Variants in TMEM141 observed in about 807,000 individuals in gnomAD.
TMEM141 encodes the protein transmembrane protein 141.
TMEM141 carries 18 observed loss-of-function variants against 15.9 expected under a neutral mutation model. The ratio of observed to expected loss-of-function variants is 1.13; its 90% CI spans 0.78 to 1.68. The LOEUF is 1.68. Among genes scored for constraint, TMEM141 ranks in the 40% most tolerant of loss-of-function variants. The pLI is 0.00. For synonymous variants in TMEM141, 69 were observed against 54.0 expected (o/e 1.28, Z -1.22); for missense variants, 161 against 139.5 (o/e 1.15, Z -0.78).
In TMEM141 at chr9:136,792,275, G is replaced by C; in HGVS notation, c.230G>C (p.Gly77Ala). The stretch of plus-strand genomic sequence containing the variant: ...GTTGCAGGCTCTGTGGTCAGCTACG[G>C]GGTGACGAGAGTGGAGTCGGAGAAA... ...AVVAGSVVSYGVTRVESEKCN... is the reference protein window; with the variant it reads ...AVVAGSVVSYAVTRVESEKCN... The change falls in exon 4 of 5, where the codon GGG (glycine) becomes GCG (alanine). Residue 77 changes from glycine (G) to alanine (A), a missense_variant. Physicochemically the swap from Gly to Ala is moderately conservative, Grantham distance 60. Transcript: ENST00000290079. 1 of 1,587,550 alleles carries C rather than the reference G, an allele frequency of 6.3e-7. No homozygotes were observed. Among genetic ancestry groups the C allele is most frequent in the Non-Finnish European group, 8.6e-7 (1 of 1,166,418 alleles).
intron 4 of TMEM141, 111 bp from the exon 5 acceptor site, chr9:136,792,708 A>T: frequency 1.2e-6 from 1 of 839,214 alleles, no homozygotes; most frequent in Non-Finnish European, 1.9e-6. Context: ...CCTGGCCTCC[A>T]CTGCCCGTTG....
rs1336255589 is a variant in TMEM141 at position 136,791,378 on chromosome 9, A to G, written c.8A>G (p.Asn3Ser). 9 of 1,561,688 alleles carry G rather than the reference A, an allele frequency of 5.8e-6. No individual in the cohort carries two copies. The highest frequency in any genetic ancestry group is 7.8e-6 in the Non-Finnish European group (9 of 1,153,354). The change falls in exon 1 of 5, where the codon AAC (asparagine) becomes AGC (serine). Residue 3 changes from asparagine (N) to serine (S), a missense_variant. Physicochemically the swap from Asn to Ser is conservative, Grantham distance 46. Coordinates refer to ENST00000290079, the MANE Select transcript of TMEM141 (RefSeq NM_032928.4). Reference protein sequence around the residue: MVNLGLSRVDDAV... With the variant: MVSLGLSRVDDAV... ...CCCCGAGCCCTGCCAACCATGGTGA[A>G]CTTGGGTCTGTCCCGGGTGGACGAC...
In TMEM141 at chr9:136,792,309, C is replaced by T. The variant is rs149076749; in HGVS notation, c.264C>T (p.Asn88=). The T allele has an allele frequency of 4.5e-3, 7,201 of 1,590,104 alleles. 28 individuals are homozygous for T. Among genetic ancestry groups the T allele is most frequent in the Non-Finnish European group, 5.7e-3 (6,679 of 1,167,858 alleles). The stretch of plus-strand genomic sequence containing the variant: ...GAGTGGAGTCGGAGAAATGCAACAA[C>T]CTCTGGCTCTTCCTGGAGACCGGGC... ...VTRVESEKCN[N]LWLFLETGQL... is the part of the protein sequence containing the mutation. Residue 88 remains asparagine (N), a synonymous_variant, in exon 4 of 5, where the codon AAC becomes AAT. Transcript: ENST00000290079.
chr9:136,792,360 T>C lies in TMEM141; in HGVS notation c.313+2T>C. The C allele has an allele frequency of 6.4e-7, 1 of 1,565,560 alleles. No homozygotes were observed. Among genetic ancestry groups the C allele is most frequent in the Non-Finnish European group, 8.7e-7 (1 of 1,154,614 alleles). On this transcript the variant is annotated splice_donor_variant, in intron 4 of 4. Transcript: ENST00000290079. LOFTEE classifies it high-confidence loss of function. ...AGCTCCCCAAAGACAGGAGCACAGG[T>C]GAGAGAGCCTGGGGGTTAGCGAGAA...
intron 4 of TMEM141, 73 bp from the exon 5 acceptor site, chr9:136,792,746 A>G: frequency 1.6e-6 from 2 of 1,225,034 alleles, no homozygotes; most frequent in South Asian, 1.5e-5. Flanking sequence ...AGTTTCTGCC[A>G]TGATAAAATG....
chr9:136,792,869 G>C lies in TMEM141; in HGVS notation c.*37G>C. On this transcript the variant is annotated 3_prime_UTR_variant, in exon 5 of 5. Transcript: ENST00000290079. ...CAGGGGCACAGAGGATTGGGGGCAG[G>C]AGGAGTCTGGAACACAGCCTTCATG... 6.6e-7 allele frequency: 1 copy of C among 1,523,640 alleles called. No individual in the cohort carries two copies. Among genetic ancestry groups the C allele is most frequent in the Non-Finnish European group, 8.8e-7 (1 of 1,134,620 alleles). 94.4% of individuals were successfully genotyped at this position (1,523,640 alleles called of 1,614,324 possible). A position where few individuals can be genotyped will look rare whatever the true frequency, so the allele number is the denominator to read the frequency against.
Position 136,793,148 on chromosome 9 carries a change from G to A in TMEM141, c.*316G>A, listed in dbSNP as rs1441035775. On this transcript the variant is annotated 3_prime_UTR_variant, in exon 5 of 5. Transcript: ENST00000290079. ...CCACCTATGGGACACGGGGTCGAAG[G>A]GGCCTGTACACTCTGTCATTTCCTT... The A allele has an allele frequency of 9.1e-6, 2 of 219,696 alleles. No homozygotes were observed. The highest frequency in any genetic ancestry group is 5.8e-5 in the Admixed American group (1 of 17,134). The allele number at this position is 219,696 out of a possible 1,614,324, so 13.6% of individuals were successfully genotyped here.
Position 136,791,838 on chromosome 9 carries a change from C to A in TMEM141, c.121+61C>A, listed in dbSNP as rs117136322. On this transcript the variant is annotated intron_variant, in intron 2 of 4. Coordinates refer to ENST00000290079, the MANE Select transcript of TMEM141 (RefSeq NM_032928.4). ...AACGCACCCTCCCGCCCTGCCCTGA[C>A]TCCCCAGCAGGGGGCGCCAAGTCAC... is the stretch of plus-strand genomic sequence containing the variant. The A allele has an allele frequency of 1.1e-3, 1,689 of 1,607,458 alleles. 28 individuals are homozygous for A. The East Asian group carries it at 0.033, about 31-fold the overall frequency.
chr9:136,791,971 A>C lies in TMEM141; in HGVS notation c.146A>C (p.Gln49Pro), dbSNP rs1847595202. Residue 49 changes from glutamine (Q) to proline (P), a missense_variant, in exon 3 of 5, where the codon CAG becomes CCG. By Grantham distance (76) the Gln-to-Pro change is moderately conservative. Coordinates refer to ENST00000290079, the MANE Select transcript of TMEM141 (RefSeq NM_032928.4). The stretch of plus-strand genomic sequence containing the variant: ...GGCACCGGCATGGCCTTTGGCTTGC[A>C]GATGTTCATTCAGAGGAAGTTTCCA... ...VTGTGMAFGL[Q>P]MFIQRKFPYP... 3.1e-6 allele frequency: 5 copies of C among 1,614,114 alleles called. No homozygotes were observed. Among genetic ancestry groups the C allele is most frequent in the Non-Finnish European group, 4.2e-6 (5 of 1,180,012 alleles).
chr9:136,792,103 C>T (rs1013905157), intron 3 of TMEM141, 73 bp downstream of exon 3: 8 of 1,586,704 alleles, frequency 5.0e-6, no homozygotes, highest in Non-Finnish European at 6.9e-6. Flanking sequence ...TGTGGTTCTG[C>T]GTCCCTGACT....
At chr9:136,792,192 G>T (rs1298633255) in intron 3 of TMEM141, 59 bp from the exon 4 acceptor site, 5 of 1,523,414 alleles carry the variant, frequency 3.3e-6, no homozygotes, top group Non-Finnish European at 3.6e-6. Flanking sequence ...GCCTGTGCCC[G>T]GTTCTCTTAG....
Position 136,793,013 on chromosome 9 carries a change from C to A in TMEM141, c.*181C>A. 1.3e-6 allele frequency: 1 copy of A among 791,372 alleles called. No homozygotes were observed. Among genetic ancestry groups the A allele is most frequent in the Admixed American group, 4.4e-5 (1 of 22,786 alleles). The allele number at this position is 791,372 out of a possible 1,614,324, so 49.0% of individuals were successfully genotyped here. On this transcript the variant is annotated 3_prime_UTR_variant, in exon 5 of 5. Coordinates refer to ENST00000290079, the MANE Select transcript of TMEM141 (RefSeq NM_032928.4). ...GATGGCTGCTGCCCCAACCTGGGAC[C>A]TGCCCAGGAGGTTGGAGCAGAAAGG...
At position 136,792,832 on chromosome 9, in the gene TMEM141, G is replaced by A; in HGVS notation, c.327G>A (p.Ter109=). 6.4e-7 allele frequency: 1 copy of A among 1,566,526 alleles called. No homozygotes were observed. The highest frequency in any genetic ancestry group is 8.7e-7 in the Non-Finnish European group (1 of 1,155,378). The change falls in exon 5 of 5, where the codon TAG becomes TAA. Residue 109 remains the stop codon, a stop_retained_variant. Coordinates refer to ENST00000290079, the MANE Select transcript of TMEM141 (RefSeq NM_032928.4). The part of the protein sequence containing the change: ...PKDRSTDQRS[*] ...TGCCTTTTACAGATCAGAGAAGCTA[G>A]GAGAGCTCCAGCAGGGGCACAGAGG... is the stretch of plus-strand genomic sequence containing the variant.
At position 136,791,708 on chromosome 9, in the gene TMEM141, C is replaced by A; in HGVS notation, c.55-3C>A. ...GAGCCTTCACCCGCCTCTGCCACCC[C>A]AGGGACTCGGGGAGTATGCCGCATG... is the stretch of plus-strand genomic sequence containing the variant. On this transcript the variant is annotated splice_polypyrimidine_tract_variant and splice_region_variant and intron_variant, in intron 1 of 4. Coordinates refer to ENST00000290079, the MANE Select transcript of TMEM141 (RefSeq NM_032928.4). 6.2e-7 allele frequency: 1 copy of A among 1,613,010 alleles called. No individual in the cohort carries two copies. The highest frequency in any genetic ancestry group is 8.5e-7 in the Non-Finnish European group (1 of 1,179,792).
Position 136,792,240 on chromosome 9 carries a change from C to T in TMEM141, c.206-11C>T, listed in dbSNP as rs1429279173. On this transcript the variant is annotated splice_polypyrimidine_tract_variant and intron_variant, in intron 3 of 4. Coordinates refer to ENST00000290079, the MANE Select transcript of TMEM141 (RefSeq NM_032928.4). Reference sequence around the variant, plus strand: ...AGAGGCCCCAGCCCTCTTCCATTTCCTGCTCCACAGTTGCAGGCTCTGTGG... The same window carrying T: ...AGAGGCCCCAGCCCTCTTCCATTTCTTGCTCCACAGTTGCAGGCTCTGTGG... The T allele has an allele frequency of 1.9e-6, 3 of 1,569,238 alleles. No individual in the cohort carries two copies. Among genetic ancestry groups the T allele is most frequent in the South Asian group, 1.2e-5 (1 of 85,910 alleles).
rs868723242 is a variant in TMEM141 at position 136,791,382 on chromosome 9, G to C, written c.12G>C (p.Leu4Phe). MVNLGLSRVDDAVA... is the reference protein window; with the variant it reads MVNFGLSRVDDAVA... ...GAGCCCTGCCAACCATGGTGAACTT[G>C]GGTCTGTCCCGGGTGGACGACGCCG... Residue 4 changes from leucine to phenylalanine, a missense_variant, in exon 1 of 5, where the codon TTG (leucine) becomes TTC (phenylalanine). Coordinates refer to ENST00000290079, the MANE Select transcript of TMEM141 (RefSeq NM_032928.4). The C allele has an allele frequency of 1.3e-6, 2 of 1,561,940 alleles. No homozygotes were observed. Among genetic ancestry groups the C allele is most frequent in the South Asian group, 1.2e-5 (1 of 85,186 alleles).
At chr9:136,791,919 G>A (rs775713874) in intron 2 of TMEM141, 28 bp from the exon 3 acceptor site, 3 of 1,613,920 alleles carry the variant, frequency 1.9e-6, no homozygotes, top group Admixed American at 3.3e-5. Flanking sequence ...CCCGGGTACA[G>A]GTTGATGGGG....
chr9:136,792,070 T>A, intron 3 of TMEM141, 40 bp downstream of exon 3: 1 of 1,609,240 alleles, frequency 6.2e-7, no homozygotes, highest in Non-Finnish European at 8.5e-7. Flanking sequence ...CTTTGAGGGG[T>A]GGGTTTCTGC....
rs2131121151 is a variant in TMEM141, at chr9:136,792,869, G to T, written c.*37G>T. The T allele has an allele frequency of 4.6e-6, 7 of 1,523,640 alleles. No individual in the cohort carries two copies. Among genetic ancestry groups the T allele is most frequent in the Non-Finnish European group, 5.3e-6 (6 of 1,134,620 alleles). 94.4% of individuals were successfully genotyped at this position (1,523,640 alleles called of 1,614,324 possible). On this transcript the variant is annotated 3_prime_UTR_variant, in exon 5 of 5. Transcript: ENST00000290079. ...CAGGGGCACAGAGGATTGGGGGCAG[G>T]AGGAGTCTGGAACACAGCCTTCATG...
Sources: allele counts gnomAD v4.1 joint callset, GRCh38; gene constraint gnomAD v4.1.1; transcripts MANE v1.5; gene names NCBI Gene and HGNC (gene_info 2026-07-23, HGNC 2026-07-21).